Variants in PLEKHG1 observed in about 807,000 individuals in gnomAD.
PLEKHG1 encodes the protein pleckstrin homology and RhoGEF domain containing G1, also known as pleckstrin homology domain-containing family G member 1.
A neutral mutation model predicts 100.8 loss-of-function variants in PLEKHG1; 44 were observed. The observed-to-expected ratio is 0.44, with a 90% CI of 0.34 to 0.56. The LOEUF (loss-of-function observed/expected upper bound fraction) is 0.56, where lower values mean the gene tolerates loss of function less well. Ranked by LOEUF, PLEKHG1 falls within the 20% of genes least tolerant of loss-of-function variation. The pLI is 0.01. For synonymous variants in PLEKHG1, 640 were observed against 662.5 expected (o/e 0.97, Z 0.52); for missense variants, 1,545 against 1,720.9 (o/e 0.90, Z 1.81).
intron 3 of PLEKHG1, among the ~76,000 whole-genome samples, chr6:150,710,630 C>G (rs1213980769): frequency 6.6e-6 from 1 of 151,946 alleles, no homozygotes; most frequent in South Asian, 2.1e-4. Context: ...GGCGTTGTTG[C>G]AGTAAACATA....
chr6:150,678,682 T>A (rs1191911325), intron 3 of PLEKHG1, among the ~76,000 whole-genome samples: 2 of 152,234 alleles, frequency 1.3e-5, no homozygotes, highest in Non-Finnish European at 2.9e-5. Context: ...ACCAATCTAA[T>A]GTAGAGTTCT....
intron 3 of PLEKHG1, among the ~76,000 whole-genome samples, chr6:150,655,183 G>A (rs553745036): frequency 1.2e-4 from 19 of 152,180 alleles, no homozygotes; most frequent in Non-Finnish European, 2.4e-4. Flanking sequence ...CACTGCTGGT[G>A]GGAGTGTAAA....
intron 3 of PLEKHG1, among the ~76,000 whole-genome samples, chr6:150,673,663 C>A (rs974218259): frequency 1.3e-5 from 2 of 151,100 alleles, no homozygotes; most frequent in Admixed American, 6.6e-5. Context: ...CTCTTCCCTC[C>A]CCTCCCTCTC....
At chr6:150,704,967 G>A (rs1780945626) in intron 3 of PLEKHG1, among the ~76,000 whole-genome samples, 1 of 152,136 alleles carries the variant, frequency 6.6e-6, no homozygotes, top group South Asian at 2.1e-4. Context: ...TTGGACTAGA[G>A]CCCCACCCTT....
Position 150,831,396 on chromosome 6 carries a change from G to A in PLEKHG1, c.2285G>A (p.Arg762His), listed in dbSNP as rs768382121. 34 of 1,614,012 alleles carry A rather than the reference G, an allele frequency of 2.1e-5. No individual in the cohort carries two copies. The highest frequency in any genetic ancestry group is 1.3e-4 in the African/African-American group (10 of 74,928). ...GGTTTTAAGTGCAGCAGCCTAAAGC[G>A]TGCAAAGCGGAGCACCTTTTTGGGT... Residue 762 changes from arginine to histidine, a missense_variant, in exon 15 of 16, where the codon CGT becomes CAT. Arg to His is a conservative substitution (Grantham distance 29). Coordinates refer to ENST00000358517, the Ensembl canonical transcript of PLEKHG1. The surrounding 1 kb of genome is among the most constrained non-coding windows in gnomAD (Gnocchi z 4.1).
At chr6:150,691,687 G>T (rs1175213510) in intron 3 of PLEKHG1, among the ~76,000 whole-genome samples, 2 of 152,170 alleles carry the variant, frequency 1.3e-5, no homozygotes, top group Admixed American at 1.3e-4. Context: ...CTGGGGAAGA[G>T]CCTCTTCTTC....
intron 1 of PLEKHG1, among the ~76,000 whole-genome samples, chr6:150,611,142 T>A (rs981493634): frequency 8.5e-5 from 13 of 152,212 alleles, no homozygotes; most frequent in African/African-American, 3.1e-4. Flanking sequence ...TTTAATCAGT[T>A]GTTTGCCTTG....
chr6:150,673,608 T>C (rs1417948810), intron 3 of PLEKHG1, among the ~76,000 whole-genome samples: 1 of 151,886 alleles, frequency 6.6e-6, no homozygotes, highest in African/African-American at 2.4e-5. Context: ...TCCTCTCTCT[T>C]CCTGTCTTTC....
Position 150,769,599 on chromosome 6 carries a change from A to AG in PLEKHG1, c.512+861_512+862insG, listed in dbSNP as rs1361255060. 1.2e-3 allele frequency among the ~76,000 whole-genome samples: 180 copies of AG among 151,606 alleles called. 1 individual carries two copies. Among genetic ancestry groups the AG allele is most frequent in the African/African-American group, 4.2e-3 (175 of 41,306 alleles). On this transcript the variant is annotated intron_variant, in intron 3 of 15. Transcript: ENST00000358517. ...GACTCCATCTCAAAAAAAAAAAAAA[A>AG]AAAAGAAAGAAAAAAGAAAAAGAAA...
chr6:150,715,874 A>T (rs1338222615), intron 3 of PLEKHG1, among the ~76,000 whole-genome samples: 2 of 147,668 alleles, frequency 1.4e-5, no homozygotes, highest in African/African-American at 2.4e-5. Flanking sequence ...TTTGGGAGGC[A>T]GAGGCGGGCG....
At chr6:150,611,416 G>A (rs1776822395) in intron 1 of PLEKHG1, among the ~76,000 whole-genome samples, 1 of 152,222 alleles carries the variant, frequency 6.6e-6, no homozygotes, top group African/African-American at 2.4e-5. Context: ...CAATTGCTCT[G>A]TGATTGTAAA....
intron 3 of PLEKHG1, among the ~76,000 whole-genome samples, chr6:150,780,015 C>T (rs1288697553): frequency 1.3e-5 from 2 of 151,794 alleles, no homozygotes; most frequent in Admixed American, 6.6e-5. Flanking sequence ...TTCTTCTCTG[C>T]TCAGAGAGAG....
intron 7 of PLEKHG1, 82 bp downstream of exon 8, chr6:150,804,823 C>A: frequency 7.6e-7 from 1 of 1,322,456 alleles, no homozygotes; most frequent in Non-Finnish European, 1.1e-6. Flanking sequence ...TAAGGCTGCT[C>A]AAGTACTGCA....
At chr6:150,801,377 G>T (rs1311135836) in intron 6 of PLEKHG1, among the ~76,000 whole-genome samples, 1 of 151,342 alleles carries the variant, frequency 6.6e-6, no homozygotes, top group Non-Finnish European at 1.5e-5. Flanking sequence ...TTTGCAAAAT[G>T]CAAGAAGGCT....
At chr6:150,699,622 G>C (rs1320074998) in intron 3 of PLEKHG1, among the ~76,000 whole-genome samples, 1 of 152,180 alleles carries the variant, frequency 6.6e-6, no homozygotes, top group Admixed American at 6.5e-5. Context: ...TGAGCCCTTA[G>C]TATGTGTCTG....
chr6:150,751,382 G>C (rs973118039), intron 2 of PLEKHG1, among the ~76,000 whole-genome samples: 1 of 152,008 alleles, frequency 6.6e-6, no homozygotes, highest in African/African-American at 2.4e-5. Context: ...TCAGCTGTAT[G>C]CCCATGGACA....
At chr6:150,725,214 C>G (rs1034269643) in intron 1 of PLEKHG1, among the ~76,000 whole-genome samples, 2 of 152,106 alleles carry the variant, frequency 1.3e-5, no homozygotes, top group African/African-American at 4.8e-5. Flanking sequence ...AACAAGCTCC[C>G]TCTGTCCTCT....
chr6:150,703,573 C>A (rs1465470156), intron 3 of PLEKHG1, among the ~76,000 whole-genome samples: 1 of 148,680 alleles, frequency 6.7e-6, no homozygotes, highest in East Asian at 2.0e-4. Flanking sequence ...TGCACTCTTG[C>A]CTGGGCGACA....
At chr6:150,622,530 G>A (rs1488180472) in intron 1 of PLEKHG1, among the ~76,000 whole-genome samples, 2 of 152,032 alleles carry the variant, frequency 1.3e-5, no homozygotes, top group South Asian at 2.1e-4. Flanking sequence ...TCTGAGTTAG[G>A]TTACTGGGAT....
Sources: allele counts gnomAD v4.1 joint callset (sites outside exome capture counted in the v4.1 genomes callset), GRCh38; gene constraint gnomAD v4.1.1; non-coding constraint Gnocchi (gnomAD v3.1); transcripts MANE v1.5; gene names NCBI Gene and HGNC (gene_info 2026-07-23, HGNC 2026-07-21).